Variants in ULK4 observed in about 807,000 individuals in gnomAD.
ULK4 encodes unc-51 like kinase 4.
In ULK4, 133 loss-of-function variants were observed where a neutral mutation model predicts 160.6. That is an observed-to-expected ratio of 0.83 (90% confidence interval 0.72 to 0.96). The LOEUF (loss-of-function observed/expected upper bound fraction) is 0.96. Ranked by LOEUF, ULK4 falls within the 40% of genes least tolerant of loss-of-function variation. The pLI, the probability that ULK4 is intolerant of heterozygous loss-of-function variation, is 0.00. For synonymous variants in ULK4, 534 were observed against 539.8 expected (o/e 0.99, Z 0.15); for missense variants, 1,580 against 1,499.5 (o/e 1.05, Z -0.89).
At chr3:41,531,705 T>G (rs1026958681) in intron 32 of ULK4, among the ~76,000 whole-genome samples, 7 of 152,096 alleles carry the variant, frequency 4.6e-5, no homozygotes, top group Non-Finnish European at 1.0e-4. Flanking sequence ...AAACAACAAA[T>G]ATTGTTTAAG....
At chr3:41,540,035 T>C (rs964363903) in intron 32 of ULK4, among the ~76,000 whole-genome samples, 1 of 152,154 alleles carries the variant, frequency 6.6e-6, no homozygotes, top group Non-Finnish European at 1.5e-5. Flanking sequence ...TTTAATGGAA[T>C]GAAAATAAGT....
At chr3:41,425,612 G>A (rs2082760380) in intron 34 of ULK4, among the ~76,000 whole-genome samples, 2 of 152,072 alleles carry the variant, frequency 1.3e-5, no homozygotes, top group East Asian at 1.9e-4. Flanking sequence ...AAGAGACTGG[G>A]GGCCAATATT....
chr3:41,937,201 T>A (rs186763895), intron 3 of ULK4: 2 of 491,306 alleles, frequency 4.1e-6, no homozygotes, highest in Non-Finnish European at 7.3e-6. Flanking sequence ...GTTACAAACG[T>A]AGGCATGTTT....
At chr3:41,533,087 T>C (rs951805019) in intron 32 of ULK4, among the ~76,000 whole-genome samples, 4 of 152,072 alleles carry the variant, frequency 2.6e-5, no homozygotes, top group African/African-American at 9.7e-5. Context: ...GTATAAGAGA[T>C]CATGTAGAGA....
At chr3:41,817,929 A>C (rs1190522510) in intron 19 of ULK4, among the ~76,000 whole-genome samples, 2 of 152,022 alleles carry the variant, frequency 1.3e-5, no homozygotes, top group Non-Finnish European at 2.9e-5. Context: ...AGACCCAACA[A>C]CACTAATCAT....
At chr3:41,683,539 C>T (rs547896998) in intron 27 of ULK4, among the ~76,000 whole-genome samples, 10 of 151,400 alleles carry the variant, frequency 6.6e-5, no homozygotes, top group Non-Finnish European at 1.5e-4. Flanking sequence ...CCTCCAGCCT[C>T]CCTGTGACCC....
At chr3:41,416,687 T>C (rs748506662) in intron 34 of ULK4, among the ~76,000 whole-genome samples, 14 of 152,040 alleles carry the variant, frequency 9.2e-5, no homozygotes, top group Non-Finnish European at 1.8e-4. Flanking sequence ...AAACACAGCC[T>C]GAGTAAGGCA....
chr3:41,591,351 G>A (rs925010229), intron 31 of ULK4, among the ~76,000 whole-genome samples: 1 of 152,152 alleles, frequency 6.6e-6, no homozygotes, highest in Admixed American at 6.5e-5. Flanking sequence ...GGTAGGGAAA[G>A]TTTTTCAGAC....
chr3:41,942,684 G>A (rs925162426), intron 2 of ULK4, among the ~76,000 whole-genome samples: 5 of 152,026 alleles, frequency 3.3e-5, no homozygotes, highest in Non-Finnish European at 7.4e-5. Flanking sequence ...GGGCATGGAG[G>A]CGCATGCCTG....
At chr3:41,447,981 T>C (rs1287677817) in intron 34 of ULK4, among the ~76,000 whole-genome samples, 1 of 152,188 alleles carries the variant, frequency 6.6e-6, no homozygotes, top group Admixed American at 6.5e-5. Flanking sequence ...GCAGGAGTGC[T>C]GCGGACAAAT....
intron 32 of ULK4, among the ~76,000 whole-genome samples, chr3:41,559,774 C>A (rs2087489839): frequency 6.6e-6 from 1 of 151,960 alleles, no homozygotes; most frequent in Admixed American, 6.6e-5. Context: ...TGGATATTAG[C>A]CCTTTGTCAG....
At chr3:41,579,461 T>TA (rs1273629057) in intron 31 of ULK4, among the ~76,000 whole-genome samples, 2 of 150,818 alleles carry the variant, frequency 1.3e-5, no homozygotes, top group Admixed American at 1.3e-4. Context: ...ACAAGGCAGC[T>TA]ATTCACTTCA....
intron 27 of ULK4, among the ~76,000 whole-genome samples, chr3:41,695,859 G>A (rs141342007): frequency 0.022 from 3,414 of 152,028 alleles, 113 homozygotes; most frequent in African/African-American, 0.072. Flanking sequence ...AATAATCCTC[G>A]CTCTATAATC....
intron 35 of ULK4, among the ~76,000 whole-genome samples, chr3:41,342,693 T>C (rs2080711827): frequency 6.6e-6 from 1 of 152,210 alleles, no homozygotes; most frequent in African/African-American, 2.4e-5. Flanking sequence ...ATCATCCTGA[T>C]ACCAAAACCT....
chr3:41,290,077 G>A (rs1433259473), intron 35 of ULK4, among the ~76,000 whole-genome samples: 1 of 152,126 alleles, frequency 6.6e-6, no homozygotes, highest in African/African-American at 2.4e-5. Flanking sequence ...GTTCCTCCAT[G>A]TTGGTCAGGC....
At chr3:41,519,538 T>C (rs1444681415) in intron 32 of ULK4, among the ~76,000 whole-genome samples, 2 of 152,202 alleles carry the variant, frequency 1.3e-5, no homozygotes, top group African/African-American at 4.8e-5. Flanking sequence ...CACCACACAG[T>C]TGTCCTCTCC....
chr3:41,929,815 C>A (rs1699524878), intron 5 of ULK4, among the ~76,000 whole-genome samples: 1 of 152,090 alleles, frequency 6.6e-6, no homozygotes, highest in Non-Finnish European at 1.5e-5. Flanking sequence ...AGACTACAAA[C>A]CTCTGCTCAA....
chr3:41,395,075 A>T (rs1365840066), intron 35 of ULK4, among the ~76,000 whole-genome samples: 1 of 151,874 alleles, frequency 6.6e-6, no homozygotes, highest in Non-Finnish European at 1.5e-5. Context: ...TTTGCATCTT[A>T]CTTCCTAATC....
chr3:41,828,288 A>G (rs373384736), intron 18 of ULK4, among the ~76,000 whole-genome samples: 10,586 of 125,258 alleles, frequency 0.085, 571 homozygotes, highest in Middle Eastern at 0.21. Context: ...AGTGTTGGAA[A>G]TTCTGGCCAG....
Sources: allele counts gnomAD v4.1 joint callset (sites outside exome capture counted in the v4.1 genomes callset), GRCh38; gene constraint gnomAD v4.1.1; transcripts MANE v1.5; gene names NCBI Gene and HGNC (gene_info 2026-07-23, HGNC 2026-07-21).